HNRNPU: variants seen among roughly 807,000 people sequenced by gnomAD.
The protein encoded by HNRNPU is HNRNPU antisense RNA 1.
Under a neutral mutation model 94.7 loss-of-function variants are expected in HNRNPU, and 5 were observed. The observed-to-expected ratio is 0.05, with a 90% CI of 0.03 to 0.11. The LOEUF is 0.11. HNRNPU is among the 10% of genes least tolerant of loss of function. HNRNPU has a pLI of 1.00. For synonymous variants in HNRNPU, 434 were observed against 381.6 expected, an observed-to-expected ratio of 1.14 and a Z score of -1.60; for missense variants, 710 against 1,049.2, an observed-to-expected ratio of 0.68 and a Z score of 4.47.
chr1:244,864,061 C>T lies in HNRNPU; in HGVS notation c.247G>A (p.Asp83Asn), dbSNP rs1403182602. ...TCTTCCTCTTCCTCCTCCTCTTCAT[C>T]GCCGCCGGCCGCGGCCTCCTGCTCG... is the stretch of plus-strand genomic sequence containing the variant. ...GLEQEAAAGG[D>N]EEEEEEEEEE... Residue 83 changes from aspartate to asparagine, a missense_variant, in exon 1 of 14, where the codon GAT becomes AAT. Physicochemically the swap from Asp to Asn is conservative, Grantham distance 23. Coordinates refer to ENST00000640218, the MANE Select transcript of HNRNPU (RefSeq NM_031844.3). 6.2e-7 allele frequency: 1 copy of T among 1,603,006 alleles called. No individual in the cohort carries two copies. Among genetic ancestry groups the T allele is most frequent in the Non-Finnish European group, 8.5e-7 (1 of 1,175,230 alleles).
chr1:244,857,236 ATTT>A (rs1411499588), intron 8 of HNRNPU: 2 of 222,910 alleles, frequency 9.0e-6, no homozygotes, highest in Non-Finnish European at 8.6e-6. Flanking sequence ...CCGGTCTATA[ATTT>A]TTCTTTTCTT....
In HNRNPU at chr1:244,860,448, A is replaced by C. The variant is rs764494988; in HGVS notation, c.904T>G (p.Ser302Ala). ...TYNCDLHFKI[S>A]RDRLSASSLT... Reference sequence around the variant, plus strand: ...GAAGAAGCACTGAGACGATCTCTTGATATTTTAAAATGTAGATCACAATTA... The same window carrying C: ...GAAGAAGCACTGAGACGATCTCTTGCTATTTTAAAATGTAGATCACAATTA... Residue 302 changes from serine (S) to alanine (A), a missense_variant, in exon 4 of 14, where the codon TCA becomes GCA. Coordinates refer to ENST00000640218, the MANE Select transcript of HNRNPU (RefSeq NM_031844.3). The C allele has an allele frequency of 6.3e-7, 1 of 1,599,396 alleles. No individual in the cohort carries two copies. Among genetic ancestry groups the C allele is most frequent in the Non-Finnish European group, 8.6e-7 (1 of 1,166,548 alleles).
rs1573328713 is a variant in HNRNPU, at chr1:244,855,051, A to G, written c.2353-7T>C. Reference sequence around the variant, plus strand: ...TTCCTCGTCCTCTGAAGTTCTACAAAAAGGAAATACTCTCTAAGAGCTCTG... The same window carrying G: ...TTCCTCGTCCTCTGAAGTTCTACAAGAAGGAAATACTCTCTAAGAGCTCTG... On this transcript the variant is annotated splice_region_variant and splice_polypyrimidine_tract_variant and intron_variant, in intron 12 of 13. Coordinates refer to ENST00000640218, the MANE Select transcript of HNRNPU (RefSeq NM_031844.3). 2 of 1,611,126 alleles carry G rather than the reference A, an allele frequency of 1.2e-6. No individual in the cohort carries two copies. The highest frequency in any genetic ancestry group is 1.7e-5 in the Admixed American group (1 of 60,002).
chr1:244,860,177 C>G, intron 4 of HNRNPU, 158 bp downstream of exon 4: 1 of 580,472 alleles, frequency 1.7e-6, no homozygotes, highest in Non-Finnish European at 3.0e-6. Context: ...GTGTGTGCCT[C>G]TAGTCCGAGC....
In HNRNPU at chr1:244,864,133, T is replaced by C; in HGVS notation, c.175A>G (p.Ser59Gly). The C allele has an allele frequency of 1.2e-6, 2 of 1,601,276 alleles. No homozygotes were observed. The highest frequency in any genetic ancestry group is 1.7e-6 in the Non-Finnish European group (2 of 1,174,114). Residue 59 changes from serine (S) to glycine (G), a missense_variant, in exon 1 of 14, where the codon AGC becomes GGC. Physicochemically the swap from Ser to Gly is moderately conservative, Grantham distance 56. Coordinates refer to ENST00000640218, the MANE Select transcript of HNRNPU (RefSeq NM_031844.3). ...GCGGAATCCCCGCCCAGGTCTAGGC[T>C]GCCGTTCCCGGGCTCCATGGCGGGG... ...GRPAMEPGNG[S>G]LDLGGDSAGR... is the part of the protein sequence containing the mutation.
At position 244,859,306 on chromosome 1, in the gene HNRNPU, G is replaced by A. The variant is rs556474465; in HGVS notation, c.1086C>T (p.Gly362=). The part of the protein sequence containing the change: ...KDIDIHEVRI[G]WSLTTSGMLL... ...ACATTCCACTTGTAGTTAGTGACCA[G>A]CCAATACGAACTTCATGTATGTCAA... Residue 362 remains glycine (G), a synonymous_variant, in exon 5 of 14, where the codon GGC becomes GGT. Coordinates refer to ENST00000640218, the MANE Select transcript of HNRNPU (RefSeq NM_031844.3). The A allele has an allele frequency of 1.2e-5, 19 of 1,596,072 alleles. No individual in the cohort carries two copies. The East Asian group carries it at 1.8e-4, about 15-fold the overall frequency.
chr1:244,850,744 T>C lies in HNRNPU; in HGVS notation c.*3706A>G, dbSNP rs1054247635. The C allele has an allele frequency of 2.0e-5, 3 of 152,146 alleles. No individual in the cohort carries two copies. Among genetic ancestry groups the C allele is most frequent in the Non-Finnish European group, 4.4e-5 (3 of 68,032 alleles). 9.4% of individuals were successfully genotyped at this position (152,146 alleles called of 1,614,324 possible). ...TGTATGTGTTTGCTTTTATTATTAC[T>C]AAAATGTTAAAACTTAAACCCAATT... On this transcript the variant is annotated 3_prime_UTR_variant, in exon 14 of 14. Transcript: ENST00000640218.
intron 8 of HNRNPU, chr1:244,857,135 G>A: frequency 6.6e-6 from 2 of 303,560 alleles, no homozygotes; most frequent in Non-Finnish European, 1.2e-5. Context: ...AGAGTTGAAA[G>A]AACCAACTTA....
chr1:244,858,055 G>T lies in HNRNPU; in HGVS notation c.1450C>A (p.Arg484=). ...TCAGGCCCCTTTGGTCCTCTAACTC[G>T]ATCCTCTAAGGGGACGTTCTGGATG... is the stretch of plus-strand genomic sequence containing the variant. ...TFIQNVPLED[R]VRGPKGPEEK... is the part of the protein sequence containing the mutation. The change falls in exon 7 of 14, where the codon CGA becomes AGA. Residue 484 remains arginine (R), a synonymous_variant. Coordinates refer to ENST00000640218, the MANE Select transcript of HNRNPU (RefSeq NM_031844.3). The T allele has an allele frequency of 3.7e-6, 6 of 1,613,154 alleles. No individual in the cohort carries two copies. Among genetic ancestry groups the T allele is most frequent in the Non-Finnish European group, 5.1e-6 (6 of 1,179,850 alleles).
At chr1:244,858,395 G>A (rs1680736104) in intron 6 of HNRNPU, 121 bp from the exon 7 acceptor site, 3 of 931,428 alleles carry the variant, frequency 3.2e-6, no homozygotes, top group South Asian at 3.5e-5. Context: ...GAACTATTAG[G>A]TGGCCTTTAA....
chr1:244,862,778 A>C (rs1680873292), intron 1 of HNRNPU, 48 bp from the exon 2 acceptor site: 1 of 1,432,808 alleles, frequency 7.0e-7, no homozygotes, highest in Non-Finnish European at 9.8e-7. Flanking sequence ...AAACAACAAA[A>C]AAACGCTTTT....
chr1:244,858,932 A>G, intron 5 of HNRNPU, 91 bp from the exon 6 acceptor site: 2 of 666,142 alleles, frequency 3.0e-6, no homozygotes, highest in Non-Finnish European at 5.3e-6. Flanking sequence ...CTACAAGAGA[A>G]ATAAGCATAT....
rs568342018 is a variant in HNRNPU, at chr1:244,862,492, G to A, written c.846C>T (p.His282=). 2.2e-5 allele frequency: 35 copies of A among 1,613,292 alleles called. No individual in the cohort carries two copies. Among genetic ancestry groups the A allele is most frequent in the Non-Finnish European group, 2.5e-5 (29 of 1,179,778 alleles). Residue 282 remains histidine, a synonymous_variant, in exon 3 of 14, where the codon CAC becomes CAT. Transcript: ENST00000640218. ...PQPPVEEEDE[H]FDDTVVCLDT... is the part of the protein sequence containing the mutation. The stretch of plus-strand genomic sequence containing the variant: ...CAAGACAAACCACTGTGTCATCGAA[G>A]TGTTCATCTTCTTCTTCAACAGGTG...
At position 244,864,033 on chromosome 1, in the gene HNRNPU, T is replaced by C; in HGVS notation, c.275A>G (p.Glu92Gly). 1 of 1,610,024 alleles carries C rather than the reference T, an allele frequency of 6.2e-7. No individual in the cohort carries two copies. The highest frequency in any genetic ancestry group is 8.5e-7 in the Non-Finnish European group (1 of 1,178,410). The change falls in exon 1 of 14, where the codon GAG becomes GGG. Residue 92 changes from glutamate to glycine, a missense_variant. This residue lies in a region of HNRNPU where 292 missense variants were observed against 293.4 expected (regional missense o/e 1.00). Coordinates refer to ENST00000640218, the MANE Select transcript of HNRNPU (RefSeq NM_031844.3). ...GDEEEEEEEE[E>G]EEGISALDGD... ...GTCCAGAGCGGAGATTCCTTCCTCCTCCTCTTCCTCTTCCTCCTCCTCTTC... is the reference window on the plus strand; with the variant it reads ...GTCCAGAGCGGAGATTCCTTCCTCCCCCTCTTCCTCTTCCTCCTCCTCTTC...
In HNRNPU at chr1:244,863,709, G is replaced by A; in HGVS notation, c.599C>T (p.Pro200Leu). ...PTSLFAVTVA[P>L]PGARQGQQQA... Reference sequence around the variant, plus strand: ...CTGCTGGCCCTGCCTCGCCCCGGGCGGCGCCACCGTCACCGCGAACAGCGA... The same window carrying A: ...CTGCTGGCCCTGCCTCGCCCCGGGCAGCGCCACCGTCACCGCGAACAGCGA... Residue 200 changes from proline to leucine, a missense_variant, in exon 1 of 14, where the codon CCG becomes CTG. By Grantham distance (98) the Pro-to-Leu change is moderately conservative (BLOSUM62 -3). Around this residue, in one of 8 missense-constraint regions of HNRNPU, gnomAD observed 292 missense variants for 293.4 expected, o/e 1.00. Transcript: ENST00000640218. 6.4e-7 allele frequency: 1 copy of A among 1,563,702 alleles called. No individual in the cohort carries two copies. The highest frequency in any genetic ancestry group is 8.6e-7 in the Non-Finnish European group (1 of 1,162,786).
Position 244,864,531 on chromosome 1 carries a change from A to C in HNRNPU, c.-224T>G. ...GGAGACTCGCCTGGCGCGAGCGAGC[A>C]CGCAACGTCCTCTCGCAGGAGCGGC... On this transcript the variant is annotated 5_prime_UTR_variant, in exon 1 of 14. Coordinates refer to ENST00000640218, the MANE Select transcript of HNRNPU (RefSeq NM_031844.3). 3.1e-6 allele frequency: 2 copies of C among 655,254 alleles called. No homozygotes were observed. Among genetic ancestry groups the C allele is most frequent in the Non-Finnish European group, 4.8e-6 (2 of 416,394 alleles). 40.6% of individuals were successfully genotyped at this position (655,254 alleles called of 1,614,324 possible).
In HNRNPU at chr1:244,850,474, C is replaced by G. The variant is rs1339614564; in HGVS notation, c.*3976G>C. 1 of 110,830 alleles carries G rather than the reference C, an allele frequency of 9.0e-6. No individual in the cohort carries two copies. Among genetic ancestry groups the G allele is most frequent in the African/African-American group, 3.4e-5 (1 of 29,674 alleles). The allele number at this position is 110,830 out of a possible 1,614,324, so 6.9% of individuals were successfully genotyped here. On this transcript the variant is annotated 3_prime_UTR_variant, in exon 14 of 14. Coordinates refer to ENST00000640218, the MANE Select transcript of HNRNPU (RefSeq NM_031844.3). ...TAAAGTTATGGAGTAGCTGTGCCCA[C>G]ACCCCCCCCCAAAAAAAAGCTTTAA... is the stretch of plus-strand genomic sequence containing the variant.
chr1:244,854,639 C>A, intron 13 of HNRNPU, 136 bp from the exon 14 acceptor site: 2 of 654,458 alleles, frequency 3.1e-6, no homozygotes, highest in Admixed American at 5.6e-5. Context: ...TGATTTCTAC[C>A]AAACCAGATT....
rs546913305 is a variant in HNRNPU at position 244,855,272 on chromosome 1, TAG to T, written c.2352+150_2352+151del. The T allele has an allele frequency of 3.5e-4, 287 of 811,164 alleles. 1 individual carries two copies. The African/African-American group carries it at 4.5e-3, about 13-fold the overall frequency. 50.2% of individuals were successfully genotyped at this position (811,164 alleles called of 1,614,324 possible). On this transcript the variant is annotated intron_variant, in intron 12 of 13. Transcript: ENST00000640218. ...ACACCTGAAAAAACTCAAAAGTAAG[TAG>T]ACTCATTTCACCATTACTAGTTCAA... is the stretch of plus-strand genomic sequence containing the variant.
Sources: gnomAD v4.1 joint callset for allele counts on GRCh38, gnomAD v4.1.1 for gene constraint, gnomAD v4.1.1 regional missense constraint, MANE v1.5 for transcripts, NCBI Gene and HGNC (gene_info 2026-07-23, HGNC 2026-07-21) for gene names.